The following SASH1 variants were observed in gnomAD, a reference collection of about 807,000 sequenced individuals.
The protein encoded by SASH1 is SAM and SH3 domain containing 1.
In SASH1, 44 loss-of-function variants were observed where a neutral mutation model predicts 125.2. The ratio of observed to expected loss-of-function variants is 0.35; its 90% CI spans 0.28 to 0.45. SASH1 has a LOEUF of 0.45. Ranked by LOEUF, SASH1 falls within the 20% of genes least tolerant of loss-of-function variation. The pLI, the probability that SASH1 is intolerant of heterozygous loss-of-function variation, is 1.00. For synonymous variants in SASH1, 639 were observed against 649.1 expected (o/e 0.98, Z 0.24); for missense variants, 1,426 against 1,614.5 (o/e 0.88, Z 2.00).
At chr6:148,335,618 G>T (rs865899999) in intron 1 of SASH1, among the ~76,000 whole-genome samples, 1 of 152,074 alleles carries the variant, frequency 6.6e-6, no homozygotes. Context: ...CAGGGAGGGA[G>T]GGTTGGATCA....
At chr6:148,499,065 T>TTTG in intron 8 of SASH1, among the ~76,000 whole-genome samples, 1 of 150,520 alleles carries the variant, frequency 6.6e-6, no homozygotes, top group African/African-American at 2.4e-5. Flanking sequence ...TTGTTTTTTT[T>TTTG]TTTTTTTTTG....
intron 2 of SASH1, among the ~76,000 whole-genome samples, chr6:148,435,148 G>A (rs1259363862): frequency 6.6e-6 from 1 of 152,038 alleles, no homozygotes; most frequent in Non-Finnish European, 1.5e-5. Flanking sequence ...GGATCCCGAG[G>A]TCGGAAGTTG....
chr6:148,338,657 GTGA>G (rs1160005052), upstream of SASH1, among the ~76,000 whole-genome samples: 7 of 152,086 alleles, frequency 4.6e-5, no homozygotes, highest in African/African-American at 1.7e-4. Flanking sequence ...CTCTGAAGTT[GTGA>G]TGATGATGAT....
chr6:148,290,070 G>A (rs1779589051), intron 1 of SASH1, among the ~76,000 whole-genome samples: 1 of 151,196 alleles, frequency 6.6e-6, no homozygotes, highest in South Asian at 2.1e-4. Flanking sequence ...GTTTCACTAT[G>A]TTGGCCAGAC....
Position 148,532,813 on chromosome 6 carries a change from C to A in SASH1, c.1581C>A (p.Ser527Arg). ...CCTGTACAGGCGGTCAAACAGTGAG[C>A]ACCACTGATTCCTCAACCAGCAACC... is the stretch of plus-strand genomic sequence containing the variant. ...GQSSMSGQTV[S>R]TTDSSTSNRE... Residue 527 changes from serine (S) to arginine (R), a missense_variant, in exon 14 of 20, where the codon AGC becomes AGA. Transcript: ENST00000367467. The surrounding 1 kb of genome is among the most constrained non-coding windows in gnomAD (Gnocchi z 4.7). 6.2e-7 allele frequency: 1 copy of A among 1,614,194 alleles called. No homozygotes were observed. The highest frequency in any genetic ancestry group is 8.5e-7 in the Non-Finnish European group (1 of 1,180,046).
intron 1 of SASH1, among the ~76,000 whole-genome samples, chr6:148,359,802 G>A (rs2493918): frequency 0.9 from 137,663 of 152,208 alleles, 62,242 homozygotes; most frequent in Middle Eastern, 0.93. Flanking sequence ...TCTGTTGCCA[G>A]GGCTGGAGTA....
chr6:148,514,296 T>C (rs1341929173), intron 8 of SASH1, 28 bp from the exon 9 acceptor site: 2 of 1,578,302 alleles, frequency 1.3e-6, no homozygotes, highest in African/African-American at 2.8e-5. Flanking sequence ...AATTACCTGA[T>C]TAACTTTTTC....
intron 1 of SASH1, among the ~76,000 whole-genome samples, chr6:148,387,660 CTTTCTTTCTTTCTTTCTTTCTTTCTT>C (rs1583066208): frequency 1.8e-5 from 1 of 55,856 alleles, no homozygotes; most frequent in East Asian, 3.2e-4. Context: ...TTCTTTCTTT[CTTTCTTTCTTTCTTTCTTTCTTTCTT>C]TCTTTCGGCA....
the SASH1 span, among the ~76,000 whole-genome samples, chr6:148,243,136 C>T: frequency 2.0e-5 from 3 of 151,688 alleles, no homozygotes; most frequent in Admixed American, 1.3e-4. Context: ...ACCAACATGG[C>T]GAAAACCCAT....
At chr6:148,311,777 C>G (rs1271578411) in intron 1 of SASH1, among the ~76,000 whole-genome samples, 1 of 152,128 alleles carries the variant, frequency 6.6e-6, no homozygotes, top group Non-Finnish European at 1.5e-5. Context: ...CCACTGCACT[C>G]CAGCCTGGGC....
intron 4 of SASH1, among the ~76,000 whole-genome samples, chr6:148,466,661 A>G (rs1039542559): frequency 8.5e-5 from 13 of 152,066 alleles, no homozygotes; most frequent in Non-Finnish European, 1.5e-5. Context: ...TCCTGGGCTC[A>G]AGTAGTCCTC....
At chr6:148,356,070 GT>G (rs200129121) in intron 1 of SASH1, among the ~76,000 whole-genome samples, 29,553 of 139,596 alleles carry the variant, frequency 0.21, 3,085 homozygotes, top group Non-Finnish European at 0.27. Flanking sequence ...GTATCATTCT[GT>G]TTTTTTTTTT....
chr6:148,445,181 A>G (rs778370812), intron 4 of SASH1, among the ~76,000 whole-genome samples: 1 of 152,154 alleles, frequency 6.6e-6, no homozygotes, highest in Non-Finnish European at 1.5e-5. Flanking sequence ...TTTTATCGGC[A>G]GGATCTTTGA....
intron 1 of SASH1, among the ~76,000 whole-genome samples, chr6:148,387,985 G>C (rs1783544763): frequency 7.6e-6 from 1 of 132,238 alleles, no homozygotes; most frequent in Non-Finnish European, 1.5e-5. Flanking sequence ...GCACAATCCT[G>C]GCTCACCGCA....
intron 15 of SASH1, among the ~76,000 whole-genome samples, chr6:148,534,276 C>T (rs1350806209): frequency 6.6e-6 from 1 of 152,206 alleles, no homozygotes; most frequent in African/African-American, 2.4e-5. Context: ...GCTAGCTCCA[C>T]AGGGGCCACA....
At position 148,519,507 on chromosome 6, in the gene SASH1, A is replaced by G; in HGVS notation, c.863-40A>G. Reference sequence around the variant, plus strand: ...TAAAGAAAGATGTATGCAAGAATGCAAAGGTGTGTTCACAAGAGACTCTGT... The same window carrying G: ...TAAAGAAAGATGTATGCAAGAATGCGAAGGTGTGTTCACAAGAGACTCTGT... On this transcript the variant is annotated intron_variant, in intron 9 of 19. Transcript: ENST00000367467. This position sits in a 1 kb window ranked among gnomAD's most constrained non-coding sequence, Gnocchi z 4.8. The G allele has an allele frequency of 6.8e-7, 1 of 1,468,590 alleles. No homozygotes were observed. Among genetic ancestry groups the G allele is most frequent in the Non-Finnish European group, 9.5e-7 (1 of 1,057,386 alleles). The allele number at this position is 1,468,590 out of a possible 1,614,324, so 91.0% of individuals were successfully genotyped here.
chr6:148,472,796 G>A (rs538973742), intron 6 of SASH1, among the ~76,000 whole-genome samples: 2 of 152,278 alleles, frequency 1.3e-5, no homozygotes, highest in South Asian at 4.1e-4. Context: ...TTTCCTACAA[G>A]TCTACAGGCA....
chr6:148,449,389 C>CT (rs35961652), intron 4 of SASH1, among the ~76,000 whole-genome samples: 9,962 of 137,084 alleles, frequency 0.073, 428 homozygotes, highest in South Asian at 0.22. Flanking sequence ...TAATTTCTTT[C>CT]TTTTTTTTTT....
intron 4 of SASH1, among the ~76,000 whole-genome samples, chr6:148,457,085 A>G (rs946007366): frequency 7.3e-5 from 11 of 151,072 alleles, no homozygotes; most frequent in African/African-American, 2.4e-4. Context: ...CCTAAGTAAA[A>G]TTTAAAATTC....
Sources: gnomAD v4.1 joint callset for allele counts (sites outside exome capture counted in the v4.1 genomes callset) on GRCh38, gnomAD v4.1.1 for gene constraint, Gnocchi (gnomAD v3.1) non-coding constraint, MANE v1.5 for transcripts, NCBI Gene and HGNC (gene_info 2026-07-23, HGNC 2026-07-21) for gene names.